Variants in TRPC5 observed in about 807,000 individuals in gnomAD.
TRPC5 encodes the protein transient receptor potential cation channel subfamily C member 5.
TRPC5 carries 9 observed loss-of-function variants against 56.5 expected under a neutral mutation model. The observed-to-expected ratio is 0.16, with a 90% confidence interval of 0.10 to 0.28. TRPC5 has a LOEUF of 0.28. Ranked by LOEUF, TRPC5 falls within the 10% of genes least tolerant of loss-of-function variation. The pLI is 1.00. For missense variants in TRPC5, 469 were observed against 748.9 expected (o/e 0.63, Z 4.36); for synonymous variants, 282 against 278.5 (o/e 1.01, Z -0.13).
chrX:111,879,416 C>T (rs1343663568), intron 3 of TRPC5, among the ~76,000 whole-genome samples: 2 of 112,012 alleles, frequency 1.8e-5, no homozygotes, highest in African/African-American at 6.5e-5. Flanking sequence ...GTGGGTTAAG[C>T]TGAACTAGGA....
At chrX:111,977,118 C>T (rs1927951065) in intron 1 of TRPC5, among the ~76,000 whole-genome samples, 1 of 110,794 alleles carries the variant, frequency 9.0e-6, no homozygotes, top group Admixed American at 9.6e-5. Flanking sequence ...TCCCAAATGG[C>T]CTTTAAAAAA....
At chrX:112,033,850 G>A (rs963764510) in intron 1 of TRPC5, among the ~76,000 whole-genome samples, 1 of 111,521 alleles carries the variant, frequency 9.0e-6, no homozygotes, top group African/African-American at 3.3e-5. Context: ...AAAATTGCTT[G>A]AGCCCACAAG....
chrX:112,028,451 G>A (rs1929484267), intron 1 of TRPC5, among the ~76,000 whole-genome samples: 2 of 110,969 alleles, frequency 1.8e-5, no homozygotes, highest in Non-Finnish European at 3.8e-5. Flanking sequence ...ACAGGCCCTG[G>A]TGTGTGATGT....
At chrX:111,910,135 G>T (rs1925769445) in intron 3 of TRPC5, among the ~76,000 whole-genome samples, 1 of 112,154 alleles carries the variant, frequency 8.9e-6, no homozygotes, top group Non-Finnish European at 1.9e-5. Flanking sequence ...GTGGGGTGAG[G>T]ACTGTAAACT....
Position 111,776,683 on chromosome X carries a change from T to G in TRPC5, c.2552A>C (p.Lys851Thr). The stretch of plus-strand genomic sequence containing the variant: ...GGGTTCAGACATATGACCATTAAAT[T>G]TGGAGAATAGGAGACCCAGTTTCTT... ...SLKKLGLLFS[K>T]FNGHMSEPSS... is the part of the protein sequence containing the mutation. The change falls in exon 11 of 11, where the codon AAA becomes ACA. Residue 851 changes from lysine to threonine, a missense_variant. Transcript: ENST00000262839. 2 of 1,211,666 alleles carry G rather than the reference T, an allele frequency of 1.7e-6. No individual in the cohort carries two copies. The highest frequency in any genetic ancestry group is 2.2e-6 in the Non-Finnish European group (2 of 895,510).
intron 3 of TRPC5, among the ~76,000 whole-genome samples, chrX:111,905,772 G>C (rs573238619): frequency 9.1e-6 from 1 of 109,670 alleles, no homozygotes; most frequent in Non-Finnish European, 1.9e-5. Context: ...AAAATTAGCT[G>C]GGCGTGGTGG....
chrX:111,858,010 A>G (rs1473718797), intron 3 of TRPC5, among the ~76,000 whole-genome samples: 5 of 112,633 alleles, frequency 4.4e-5, no homozygotes, highest in African/African-American at 1.6e-4. Context: ...CAAGCTGGGC[A>G]ATTTTAAAGT....
intron 2 of TRPC5, among the ~76,000 whole-genome samples, chrX:111,940,846 G>C (rs73548108): frequency 9.0e-6 from 1 of 111,714 alleles, no homozygotes; most frequent in African/African-American, 3.3e-5. Context: ...CTCATCCTTT[G>C]ATTGGACAAA....
intron 1 of TRPC5, among the ~76,000 whole-genome samples, chrX:111,982,775 A>G (rs921112525): frequency 9.0e-6 from 1 of 111,326 alleles, no homozygotes; most frequent in Non-Finnish European, 1.9e-5. Context: ...TCAGCAAGGC[A>G]TAAGGTCATG....
At chrX:111,924,929 C>T (rs1926219337) in intron 2 of TRPC5, among the ~76,000 whole-genome samples, 2 of 112,337 alleles carry the variant, frequency 1.8e-5, no homozygotes, top group Admixed American at 9.4e-5. Flanking sequence ...TTTCAAACCT[C>T]TGATAGTGGA....
At chrX:111,823,755 G>A (rs1023023952) in intron 7 of TRPC5, among the ~76,000 whole-genome samples, 4 of 111,043 alleles carry the variant, frequency 3.6e-5, no homozygotes, top group African/African-American at 1.3e-4. Flanking sequence ...GGATCCTTCT[G>A]GTTAGGACCT....
At chrX:111,998,988 C>T (rs1343063016) in intron 1 of TRPC5, among the ~76,000 whole-genome samples, 9 of 111,590 alleles carry the variant, frequency 8.1e-5, no homozygotes, top group Admixed American at 1.9e-4. Context: ...AAGTTTTTTA[C>T]CTAGGTATAC....
At chrX:111,914,361 CT>C in intron 2 of TRPC5, among the ~76,000 whole-genome samples, 1 of 111,462 alleles carries the variant, frequency 9.0e-6, no homozygotes, top group Admixed American at 9.6e-5. Flanking sequence ...TCAATAGGTT[CT>C]TTTTACTCTC....
chrX:112,012,270 T>C (rs1343470381), intron 1 of TRPC5, among the ~76,000 whole-genome samples: 2 of 112,180 alleles, frequency 1.8e-5, no homozygotes, highest in African/African-American at 6.5e-5. Flanking sequence ...GTCGGTAAAA[T>C]GGTCAAATAC....
intron 1 of TRPC5, among the ~76,000 whole-genome samples, chrX:112,050,849 A>C (rs1230771336): frequency 1.8e-5 from 2 of 112,489 alleles, no homozygotes; most frequent in Non-Finnish European, 3.7e-5. Context: ...TCAGCTGGGC[A>C]AGACAAGGGT....
At chrX:112,032,880 A>T (rs964498772) in intron 1 of TRPC5, among the ~76,000 whole-genome samples, 3 of 111,344 alleles carry the variant, frequency 2.7e-5, no homozygotes, top group Admixed American at 1.9e-4. Flanking sequence ...ATGATGATAA[A>T]CATCTTCTCA....
intron 3 of TRPC5, 53 bp from the exon 4 acceptor site, chrX:111,854,159 A>G (rs1310420514): frequency 1.6e-5 from 18 of 1,112,795 alleles, no homozygotes; most frequent in East Asian, 3.3e-5. Context: ...GAGAAAGTCT[A>G]CTGTCATAAT....
At chrX:112,046,655 T>C (rs1439655402) in intron 1 of TRPC5, among the ~76,000 whole-genome samples, 1 of 112,002 alleles carries the variant, frequency 8.9e-6, no homozygotes, top group African/African-American at 3.3e-5. Context: ...CACATTAACA[T>C]AGAGCTACAA....
chrX:112,006,445 T>C (rs921513737), intron 1 of TRPC5, among the ~76,000 whole-genome samples: 1 of 111,803 alleles, frequency 8.9e-6, no homozygotes, highest in African/African-American at 3.3e-5. Context: ...ATATTGACCT[T>C]ATGAGATAGG....
Sources: allele counts gnomAD v4.1 joint callset (sites outside exome capture counted in the v4.1 genomes callset), GRCh38; gene constraint gnomAD v4.1.1; transcripts MANE v1.5; gene names NCBI Gene and HGNC (gene_info 2026-07-23, HGNC 2026-07-21).